JMJD6: variants seen among roughly 807,000 people sequenced by gnomAD.
The protein encoded by JMJD6 is jumonji domain containing 6, arginine demethylase and lysine hydroxylase, also known as bifunctional arginine demethylase and lysyl-hydroxylase JMJD6.
Under a neutral mutation model 45.8 loss-of-function variants are expected in JMJD6, and 17 were observed. The ratio of observed to expected loss-of-function variants is 0.37; its 90% CI spans 0.25 to 0.56. The LOEUF (loss-of-function observed/expected upper bound fraction) is 0.56, where lower values mean the gene tolerates loss of function less well. JMJD6 is among the 20% of genes least tolerant of loss of function. The pLI, the probability that JMJD6 is intolerant of heterozygous loss-of-function variation, is 0.79. For synonymous variants in JMJD6, 221 were observed against 196.3 expected (o/e 1.13, Z -1.05); for missense variants, 470 against 517.5 (o/e 0.91, Z 0.89).
Position 76,720,642 on chromosome 17 carries a change from G to A in JMJD6, c.942-144C>T, listed in dbSNP as rs540637792. On this transcript the variant is annotated intron_variant, in intron 4 of 5. Transcript: ENST00000397625. ...CAGAATGGATACTGTACAATGGTGA[G>A]GACAAAACCCCAGGCTGGGAACAAG... 29 of 712,044 alleles carry A rather than the reference G, an allele frequency of 4.1e-5. No homozygotes were observed. In the South Asian group the frequency reaches 4.4e-4, roughly 11 times the overall value. 44.1% of individuals were successfully genotyped at this position (712,044 alleles called of 1,614,324 possible). A position where few individuals can be genotyped will look rare whatever the true frequency, so the allele number is the denominator to read the frequency against.
At position 76,725,516 on chromosome 17, in the gene JMJD6, T is replaced by C; in HGVS notation, c.469A>G (p.Thr157Ala). The C allele has an allele frequency of 6.2e-7, 1 of 1,613,968 alleles. No individual in the cohort carries two copies. The highest frequency in any genetic ancestry group is 1.3e-5 in the African/African-American group (1 of 74,952). The change falls in exon 2 of 6, where the codon ACT (threonine) becomes GCT (alanine). Residue 157 changes from threonine (T) to alanine (A), a missense_variant. Thr to Ala is a moderately conservative substitution (Grantham distance 58). Around this residue, in one of 4 missense-constraint regions of JMJD6, gnomAD observed 346 missense variants for 339.5 expected, o/e 1.02. Transcript: ENST00000397625. ...CCAGCATACTGGAAAAGGTCATCAG[T>C]GAAAAACTTTGGCACCTTGTAGTCT... ...LEDYKVPKFF[T>A]DDLFQYAGEK... is the part of the protein sequence containing the mutation.
At chr17:76,715,851 T>C (rs1242820138), downstream of JMJD6, 1 of 152,226 alleles carries the variant, frequency 6.6e-6, no homozygotes, top group African/African-American at 2.4e-5. Flanking sequence ...ACAGGTGCCA[T>C]CTCTGAATTT....
rs2076828628 is a variant in JMJD6, at chr17:76,721,823, G to A, written c.916C>T (p.Pro306Ser). The change falls in exon 4 of 6, where the codon CCA (proline) becomes TCA (serine). Residue 306 changes from proline to serine, a missense_variant. By Grantham distance (74) the Pro-to-Ser change is moderately conservative. Coordinates refer to ENST00000397625, the MANE Select transcript of JMJD6 (RefSeq NM_015167.3). ...CTATACCATTTCCTTGATAACTTTG[G>A]TCTCCCTCTTACCGTCTTGTGCCAT... ...VVWHKTVRGR[P>S]KLSRKWYRIL... is the part of the protein sequence containing the mutation. The A allele has an allele frequency of 1.2e-6, 2 of 1,614,054 alleles. No homozygotes were observed. The highest frequency in any genetic ancestry group is 1.7e-6 in the Non-Finnish European group (2 of 1,179,980).
downstream of JMJD6, among the ~76,000 whole-genome samples, chr17:76,717,818 G>GCCA (rs1286425400): frequency 1.4e-5 from 2 of 138,838 alleles, no homozygotes; most frequent in East Asian, 4.2e-4. Context: ...GTGAAACCCT[G>GCCA]TCTCTACTAA....
intron 1 of JMJD6, 125 bp from the exon 2 acceptor site, chr17:76,725,980 CG>C (rs2076918938): frequency 8.0e-7 from 1 of 1,251,476 alleles, no homozygotes. Context: ...CTGGCTCCTC[CG>C]GGGTGGGGGC....
chr17:76,719,892 C>T (rs891393136), intron 5 of JMJD6, among the ~76,000 whole-genome samples: 2 of 152,134 alleles, frequency 1.3e-5, no homozygotes, highest in South Asian at 2.1e-4. Flanking sequence ...GAGGCTGAGG[C>T]GGGTGGATCA....
At chr17:76,721,286 C>A in intron 4 of JMJD6, 1 of 441,564 alleles carries the variant, frequency 2.3e-6, no homozygotes, top group South Asian at 1.6e-5. Flanking sequence ...CCCTCCAGGT[C>A]AGGGTTGGGA....
chr17:76,726,554 G>GGGC lies in JMJD6; in HGVS notation c.-82_-80dup. The stretch of plus-strand genomic sequence containing the variant: ...ACACTAACGCACCCCTCCCCGGCCT[G>GGGC]GGCGGCGGCGACGGCAGTACCCAAA... On this transcript the variant is annotated 5_prime_UTR_variant, in exon 1 of 6. Transcript: ENST00000397625. The GGGC allele has an allele frequency of 1.3e-6, 2 of 1,494,830 alleles. No individual in the cohort carries two copies. Among genetic ancestry groups the GGGC allele is most frequent in the East Asian group, 5.0e-5 (2 of 39,754 alleles). The allele number at this position is 1,494,830 out of a possible 1,614,324, so 92.6% of individuals were successfully genotyped here. A position where few individuals can be genotyped will look rare whatever the true frequency, so the allele number is the denominator to read the frequency against.
intron 4 of JMJD6, among the ~76,000 whole-genome samples, chr17:76,721,557 G>A (rs1417787373): frequency 1.3e-5 from 2 of 152,166 alleles, no homozygotes; most frequent in Admixed American, 6.5e-5. Flanking sequence ...CAATTATGAC[G>A]TCTTGACTGA....
In JMJD6 at chr17:76,723,739, C is replaced by T. The variant is rs1362056380; in HGVS notation, c.805+33G>A. On this transcript the variant is annotated intron_variant, in intron 3 of 5. Transcript: ENST00000397625. ...TACAGGCATGAACCACCGCGCCCGG[C>T]AAAGAATGTACTTTCTTCCAGTTCA... The T allele has an allele frequency of 2.5e-6, 4 of 1,604,166 alleles. No homozygotes were observed. In the East Asian group the frequency reaches 8.9e-5, roughly 36 times the overall value.
At position 76,718,705 on chromosome 17, in the gene JMJD6, C is replaced by T; in HGVS notation, c.*24G>A. On this transcript the variant is annotated 3_prime_UTR_variant, in exon 6 of 6. Transcript: ENST00000397625. The stretch of plus-strand genomic sequence containing the variant: ...TGCCCTTGCCGCGAGCGTGTCCTTC[C>T]ATACAGACAACAGCCTTGCTGGGTC... 1.2e-6 allele frequency: 2 copies of T among 1,612,200 alleles called. No homozygotes were observed. The highest frequency in any genetic ancestry group is 1.7e-6 in the Non-Finnish European group (2 of 1,178,882).
chr17:76,719,432 G>C (rs2076796497), intron 5 of JMJD6, among the ~76,000 whole-genome samples: 1 of 152,132 alleles, frequency 6.6e-6, no homozygotes, highest in South Asian at 2.1e-4. Context: ...GGGATTACAG[G>C]TGTGCACCAC....
chr17:76,725,821 G>A lies in JMJD6; in HGVS notation c.164C>T (p.Ser55Phe), dbSNP rs945386906. 6.2e-7 allele frequency: 1 copy of A among 1,612,816 alleles called. No homozygotes were observed. The highest frequency in any genetic ancestry group is 8.5e-7 in the Non-Finnish European group (1 of 1,179,878). Residue 55 changes from serine (S) to phenylalanine (F), a missense_variant, in exon 2 of 6, where the codon TCT becomes TTT. Around this residue, in one of 4 missense-constraint regions of JMJD6, gnomAD observed 346 missense variants for 339.5 expected, o/e 1.02. Transcript: ENST00000397625. ...NVERADALQL[S>F]VEEFVERYER... ...ATACCGCTCCACAAATTCTTCCACAGACAGCTGTAAAGCATCTGCCCTTTC... is the reference window on the plus strand; with the variant it reads ...ATACCGCTCCACAAATTCTTCCACAAACAGCTGTAAAGCATCTGCCCTTTC...
At position 76,725,810 on chromosome 17, in the gene JMJD6, A is replaced by C; in HGVS notation, c.175T>G (p.Phe59Val). 6.2e-7 allele frequency: 1 copy of C among 1,613,858 alleles called. No individual in the cohort carries two copies. The highest frequency in any genetic ancestry group is 8.5e-7 in the Non-Finnish European group (1 of 1,179,982). The change falls in exon 2 of 6, where the codon TTT becomes GTT. Residue 59 changes from phenylalanine (F) to valine (V), a missense_variant. By Grantham distance (50) the Phe-to-Val change is conservative (BLOSUM62 -1). Coordinates refer to ENST00000397625, the MANE Select transcript of JMJD6 (RefSeq NM_015167.3). ...ADALQLSVEE[F>V]VERYERPYKP... ...TAAGGTCTTTCATACCGCTCCACAAATTCTTCCACAGACAGCTGTAAAGCA... is the reference window on the plus strand; with the variant it reads ...TAAGGTCTTTCATACCGCTCCACAACTTCTTCCACAGACAGCTGTAAAGCA...
chr17:76,718,449 G>T, downstream of JMJD6: 1 of 1,315,652 alleles, frequency 7.6e-7, no homozygotes, highest in Non-Finnish European at 9.6e-7. Flanking sequence ...ACATTTCCAA[G>T]ATAGAAAATG....
rs750848447 is a variant in JMJD6 at position 76,726,394 on chromosome 17, G to T, written c.82C>A (p.Arg28=). 1 of 1,605,024 alleles carries T rather than the reference G, an allele frequency of 6.2e-7. No homozygotes were observed. Among genetic ancestry groups the T allele is most frequent in the South Asian group, 1.1e-5 (1 of 90,090 alleles). Residue 28 remains arginine (R), a synonymous_variant, in exon 1 of 6, where the codon CGG becomes AGG. Transcript: ENST00000397625. ...GAGAAGCTCTCGTAGTAGTTGTGCC[G>T]GGTCCAATCCAGCGAGTCCTTGAGC... The part of the protein sequence containing the change: ...PELKDSLDWT[R]HNYYESFSLS...
downstream of JMJD6, among the ~76,000 whole-genome samples, chr17:76,718,133 A>G (rs973715170): frequency 6.8e-6 from 1 of 146,580 alleles, no homozygotes; most frequent in Non-Finnish European, 1.5e-5. Context: ...ACTGCACTCC[A>G]GCATGGGCAA....
rs1462866901 is a variant in JMJD6, at chr17:76,720,517, T to C, written c.942-19A>G. On this transcript the variant is annotated intron_variant, in intron 4 of 5. Coordinates refer to ENST00000397625, the MANE Select transcript of JMJD6 (RefSeq NM_015167.3). Reference sequence around the variant, plus strand: ...CAAAATCCTGAGAGGCAAGAAGTGTTGTTCTCAGTGCACTGACAGCCATAC... The same window carrying C: ...CAAAATCCTGAGAGGCAAGAAGTGTCGTTCTCAGTGCACTGACAGCCATAC... 6.2e-7 allele frequency: 1 copy of C among 1,613,014 alleles called. No individual in the cohort carries two copies. Among genetic ancestry groups the C allele is most frequent in the Non-Finnish European group, 8.5e-7 (1 of 1,179,352 alleles).
At chr17:76,718,339 A>G, downstream of JMJD6, 1 of 746,672 alleles carries the variant, frequency 1.3e-6, no homozygotes, top group Non-Finnish European at 1.8e-6. Context: ...TGGGACGACG[A>G]CTCTGTGGTC....
Sources: allele counts gnomAD v4.1 joint callset (sites outside exome capture counted in the v4.1 genomes callset), GRCh38; gene constraint gnomAD v4.1.1; regional missense constraint gnomAD v4.1.1; transcripts MANE v1.5; gene names NCBI Gene and HGNC (gene_info 2026-07-23, HGNC 2026-07-21).